The following DENND2B variants were observed in gnomAD, a reference collection of about 807,000 sequenced individuals.
The protein encoded by DENND2B is DENN domain containing 2B.
Under a neutral mutation model 116.0 loss-of-function variants are expected in DENND2B, and 32 were observed. That is an observed-to-expected ratio of 0.28 (90% confidence interval 0.21 to 0.37). DENND2B has a LOEUF of 0.37. Ranked by LOEUF, DENND2B falls within the 10% of genes least tolerant of loss-of-function variation. The probability of loss-of-function intolerance (pLI) is 1.00; values close to 1 mark genes in which losing one functional copy is unlikely to be tolerated. For synonymous variants in DENND2B, 588 were observed against 583.9 expected (o/e 1.01, Z -0.10); for missense variants, 1,276 against 1,477.7 (o/e 0.86, Z 2.24).
chr11:8,795,107 T>A (rs1215809139), intron 1 of DENND2B, among the ~76,000 whole-genome samples: 1 of 152,206 alleles, frequency 6.6e-6, no homozygotes, highest in Non-Finnish European at 1.5e-5. Flanking sequence ...GTGCCCAGGA[T>A]GGGCATTTTC....
intron 1 of DENND2B, chr11:8,785,033 G>A (rs2058765844): frequency 6.6e-6 from 1 of 152,154 alleles, no homozygotes. Context: ...TCTGGATGTA[G>A]TACCCCCTCT....
rs527287323 is a variant in DENND2B, at chr11:8,730,246, C to T, written c.1044G>A (p.Ala348=). The part of the protein sequence containing the change: ...AVGVAGVAGE[A]GPPPEREGSG... ...TGCCTTCCCTCTCTGGGGGTGGGCC[C>T]GCCTCCCCCGCAACACCAGCCACTC... Residue 348 remains alanine, a synonymous_variant, in exon 3 of 20, where the codon GCG becomes GCA. Coordinates refer to ENST00000313726, the MANE Select transcript of DENND2B (RefSeq NM_213618.2). The surrounding 1 kb of genome is among the most constrained non-coding windows in gnomAD (Gnocchi z 4.1). 14 of 1,611,118 alleles carry T rather than the reference C, an allele frequency of 8.7e-6. No individual in the cohort carries two copies. The highest frequency in any genetic ancestry group is 1.2e-5 in the Non-Finnish European group (14 of 1,179,214).
At chr11:8,793,449 T>TTA (rs1305670398) in intron 1 of DENND2B, among the ~76,000 whole-genome samples, 1 of 152,262 alleles carries the variant, frequency 6.6e-6, no homozygotes, top group African/African-American at 2.4e-5. Context: ...ATTTGTGCTT[T>TTA]TATATACGGC....
At chr11:8,864,414 C>T (rs1376484886) in intron 2 of DENND2B, among the ~76,000 whole-genome samples, 1 of 152,036 alleles carries the variant, frequency 6.6e-6, no homozygotes, top group African/African-American at 2.4e-5. Flanking sequence ...ACCACAGACA[C>T]GCACCGCCAC....
At chr11:8,734,234 C>T (rs911394120) in intron 2 of DENND2B, among the ~76,000 whole-genome samples, 2 of 152,170 alleles carry the variant, frequency 1.3e-5, no homozygotes, top group African/African-American at 4.8e-5. Context: ...AGTTTCATTT[C>T]TTCAAAACTG....
chr11:8,897,188 C>G (rs1432100195), intron 1 of DENND2B, among the ~76,000 whole-genome samples: 3 of 152,084 alleles, frequency 2.0e-5, no homozygotes, highest in Admixed American at 1.3e-4. Context: ...ACCCGGGAGG[C>G]AGAGGTTACA....
intron 3 of DENND2B, among the ~76,000 whole-genome samples, chr11:8,856,129 T>G (rs78871101): frequency 0.016 from 2,434 of 152,304 alleles, 67 homozygotes; most frequent in African/African-American, 0.056. Flanking sequence ...GAGCTTAACA[T>G]GAAATAGAAT....
chr11:8,804,906 G>A (rs1163809716), intron 1 of DENND2B, among the ~76,000 whole-genome samples: 2 of 152,154 alleles, frequency 1.3e-5, no homozygotes, highest in East Asian at 3.9e-4. Flanking sequence ...ACCTGTTTGA[G>A]AGACACCAGC....
chr11:8,862,088 C>T (rs1271110685), intron 2 of DENND2B, among the ~76,000 whole-genome samples: 3 of 151,856 alleles, frequency 2.0e-5, no homozygotes, highest in African/African-American at 7.3e-5. Flanking sequence ...ATATTGGGTA[C>T]CATGTACACT....
chr11:8,896,279 T>C (rs1440440276), intron 1 of DENND2B, among the ~76,000 whole-genome samples: 3 of 151,868 alleles, frequency 2.0e-5, no homozygotes, highest in African/African-American at 7.3e-5. Context: ...TAAATATTGA[T>C]GGAAGGAATA....
At chr11:8,901,813 G>A (rs1594360960) in intron 1 of DENND2B, among the ~76,000 whole-genome samples, 2 of 152,206 alleles carry the variant, frequency 1.3e-5, no homozygotes, top group East Asian at 1.9e-4. Flanking sequence ...TCTATTGTGG[G>A]TAGAGAACAT....
At chr11:8,766,752 G>T in intron 1 of DENND2B, 1 of 1,158,662 alleles carries the variant, frequency 8.6e-7, no homozygotes, top group Non-Finnish European at 1.1e-6. Flanking sequence ...CAACTGTTGT[G>T]ATGTCACAGG....
At chr11:8,827,546 G>C (rs2062025860) in intron 4 of DENND2B, among the ~76,000 whole-genome samples, 1 of 152,190 alleles carries the variant, frequency 6.6e-6, no homozygotes, top group South Asian at 2.1e-4. Context: ...GCATACTCTG[G>C]GAAAATTTGG....
chr11:8,881,701 T>G (rs2063905578), intron 1 of DENND2B, among the ~76,000 whole-genome samples: 1 of 152,054 alleles, frequency 6.6e-6, no homozygotes, highest in Non-Finnish European at 1.5e-5. Flanking sequence ...CACAGTTGGC[T>G]GGCTACTTTT....
chr11:8,865,550 A>G (rs16906256), intron 2 of DENND2B, among the ~76,000 whole-genome samples: 41,141 of 151,370 alleles, frequency 0.27, 5,869 homozygotes, highest in East Asian at 0.53. Context: ...CAGATGGGAC[A>G]GTCTGTACAT....
chr11:8,790,219 T>C (rs2059262917), intron 1 of DENND2B, among the ~76,000 whole-genome samples: 2 of 152,168 alleles, frequency 1.3e-5, no homozygotes, highest in African/African-American at 4.8e-5. Flanking sequence ...CACCATTTCC[T>C]CTGTGAAACC....
intron 2 of DENND2B, chr11:8,870,933 A>AC (rs1810909275): frequency 6.6e-6 from 1 of 151,730 alleles, no homozygotes. Context: ...AACCGGGGCC[A>AC]CCCGGCCCGG....
At chr11:8,773,194 G>A (rs2057180896) in intron 1 of DENND2B, among the ~76,000 whole-genome samples, 1 of 152,092 alleles carries the variant, frequency 6.6e-6, no homozygotes, top group Non-Finnish European at 1.5e-5. Flanking sequence ...AATGGAGAAT[G>A]TGCCTGGGAC....
At chr11:8,901,440 G>C (rs983897421) in intron 1 of DENND2B, among the ~76,000 whole-genome samples, 4 of 150,270 alleles carry the variant, frequency 2.7e-5, no homozygotes, top group African/African-American at 4.9e-5. Context: ...ATGTTGGCCA[G>C]GCTGGTCTCG....
Sources: allele counts gnomAD v4.1 joint callset (sites outside exome capture counted in the v4.1 genomes callset), GRCh38; gene constraint gnomAD v4.1.1; non-coding constraint Gnocchi (gnomAD v3.1); transcripts MANE v1.5; gene names NCBI Gene and HGNC (gene_info 2026-07-23, HGNC 2026-07-21).